The following DNAH11 variants were observed in gnomAD, a reference collection of about 807,000 sequenced individuals.
DNAH11 encodes the protein axonemal beta dynein heavy chain 11.
In DNAH11, 442 loss-of-function variants were observed where a neutral mutation model predicts 526.0. That is an observed-to-expected ratio of 0.84 (90% confidence interval 0.78 to 0.91). The LOEUF is 0.91. Ranked by LOEUF, DNAH11 falls within the 40% of genes least tolerant of loss-of-function variation. The pLI is 0.00. For missense variants in DNAH11, 6,989 were observed against 5,448.7 expected (o/e 1.28, Z -8.90); for synonymous variants, 2,461 against 1,935.9 (o/e 1.27, Z -7.12).
intron 76 of DNAH11, among the ~76,000 whole-genome samples, chr7:21,890,357 G>C (rs1414444710): frequency 1.3e-5 from 2 of 152,160 alleles, no homozygotes; most frequent in Non-Finnish European, 2.9e-5. Context: ...CAAAGAGCAT[G>C]GGCCATTTGC....
At chr7:21,844,699 C>T (rs1485501953) in intron 66 of DNAH11, among the ~76,000 whole-genome samples, 1 of 152,184 alleles carries the variant, frequency 6.6e-6, no homozygotes, top group African/African-American at 2.4e-5. Context: ...TGGCCACACC[C>T]CAGATCCCAC....
intron 40 of DNAH11, among the ~76,000 whole-genome samples, chr7:21,708,881 C>T (rs1387037713): frequency 6.6e-6 from 1 of 152,078 alleles, no homozygotes; most frequent in African/African-American, 2.4e-5. Context: ...AAATCAAAAT[C>T]ACAATGAGAT....
In DNAH11 at chr7:21,601,099, T is replaced by C. The variant is rs1180402925; in HGVS notation, c.3345T>C (p.Pro1115=). Residue 1115 remains proline, a synonymous_variant, in exon 17 of 82, where the codon CCT becomes CCC. Transcript: ENST00000409508. ...FDSWFKVDMK[P]FKVSLLTIIK... ...GTTGGTTCAAGGTGGACATGAAGCC[T>C]TTCAAAGTGAGCTTGTTAACCATAA... 3 of 1,610,402 alleles carry C rather than the reference T, an allele frequency of 1.9e-6. No individual in the cohort carries two copies. The Admixed American group carries it at 5.1e-5, about 27-fold the overall frequency.
chr7:21,714,256 G>C (rs968250613), intron 42 of DNAH11, among the ~76,000 whole-genome samples: 2 of 152,144 alleles, frequency 1.3e-5, no homozygotes, highest in African/African-American at 4.8e-5. Flanking sequence ...TTCACCATTA[G>C]ATTTTACTTT....
At chr7:21,807,748 C>G in intron 62 of DNAH11, 135 bp from the exon 63 acceptor site, 1 of 701,242 alleles carries the variant, frequency 1.4e-6, no homozygotes. Flanking sequence ...ACAGTCACAC[C>G]AACCCGTTAC....
chr7:21,679,439 G>A (rs1423234062), intron 30 of DNAH11, among the ~76,000 whole-genome samples: 3 of 152,076 alleles, frequency 2.0e-5, no homozygotes, highest in African/African-American at 7.2e-5. Flanking sequence ...TAGCTTGGTT[G>A]GGGTAATAGT....
At chr7:21,547,438 G>A (rs975509350) in intron 2 of DNAH11, among the ~76,000 whole-genome samples, 46 of 152,152 alleles carry the variant, frequency 3.0e-4, no homozygotes, top group African/African-American at 9.4e-4. Flanking sequence ...AGGCACACCC[G>A]GGGCAGTTAC....
intron 54 of DNAH11, among the ~76,000 whole-genome samples, chr7:21,756,711 A>G (rs1786655861): frequency 6.6e-6 from 1 of 152,086 alleles, no homozygotes; most frequent in Non-Finnish European, 1.5e-5. Context: ...TTTTCCAGAT[A>G]TCCTTTGATT....
chr7:21,748,806 A>C (rs1215117205), intron 52 of DNAH11, 64 bp downstream of exon 52: 2 of 1,523,108 alleles, frequency 1.3e-6, no homozygotes, highest in African/African-American at 1.4e-5. Flanking sequence ...CGAGGCTCCT[A>C]GTGCGCCCGT....
intron 65 of DNAH11, among the ~76,000 whole-genome samples, chr7:21,824,873 A>C (rs1374163970): frequency 6.6e-6 from 1 of 152,034 alleles, no homozygotes; most frequent in Non-Finnish European, 1.5e-5. Flanking sequence ...CAAATTCGTT[A>C]CTATAATATT....
intron 48 of DNAH11, among the ~76,000 whole-genome samples, chr7:21,740,559 C>T (rs74748133): frequency 0.06 from 9,204 of 152,214 alleles, 384 homozygotes; most frequent in East Asian, 0.2. Context: ...GAATTTCTTT[C>T]CTATGTAAGA....
intron 57 of DNAH11, among the ~76,000 whole-genome samples, chr7:21,781,623 G>A (rs1310599970): frequency 1.3e-5 from 2 of 152,126 alleles, no homozygotes; most frequent in Non-Finnish European, 2.9e-5. Flanking sequence ...ATTTGGAATG[G>A]CCATCAGTTT....
intron 65 of DNAH11, among the ~76,000 whole-genome samples, chr7:21,839,845 T>C (rs554230705): frequency 7.9e-5 from 12 of 152,316 alleles, no homozygotes; most frequent in Admixed American, 7.8e-4. Context: ...GTAAGATCAC[T>C]CTGCAGGGAA....
At chr7:21,635,242 C>T (rs920837817) in intron 25 of DNAH11, among the ~76,000 whole-genome samples, 17 of 152,060 alleles carry the variant, frequency 1.1e-4, no homozygotes, top group South Asian at 4.1e-4. Context: ...CTGCAAGCTC[C>T]GCCTCCCGGG....
chr7:21,659,118 G>T (rs367699949), intron 30 of DNAH11, 87 bp downstream of exon 30: 5 of 1,146,730 alleles, frequency 4.4e-6, no homozygotes, highest in Non-Finnish European at 3.7e-6. Flanking sequence ...TTCATTTACC[G>T]AGTGTCATCT....
chr7:21,757,567 G>A (rs1048073084), intron 54 of DNAH11, among the ~76,000 whole-genome samples: 1 of 152,096 alleles, frequency 6.6e-6, no homozygotes, highest in African/African-American at 2.4e-5. Context: ...GGAATTATCT[G>A]CCTTTCAATC....
At chr7:21,549,224 C>T (rs185617897) in intron 2 of DNAH11, among the ~76,000 whole-genome samples, 94 of 152,226 alleles carry the variant, frequency 6.2e-4, no homozygotes, top group African/African-American at 4.6e-4. Flanking sequence ...ATCCTTGTCC[C>T]GGTATAGAGC....
intron 6 of DNAH11, among the ~76,000 whole-genome samples, chr7:21,566,002 CTATG>C (rs1359013749): frequency 6.6e-6 from 1 of 152,194 alleles, no homozygotes; most frequent in African/African-American, 2.4e-5. Flanking sequence ...GCGCGGGTCT[CTATG>C]TAAAACACCA....
chr7:21,892,614 C>G lies in DNAH11; in HGVS notation c.12697C>G (p.Gln4233Glu), dbSNP rs72658823. The G allele has an allele frequency of 1.9e-6, 3 of 1,613,422 alleles. No individual in the cohort carries two copies. Among genetic ancestry groups the G allele is most frequent in the African/African-American group, 1.3e-5 (1 of 74,926 alleles). The change falls in exon 77 of 82, where the codon CAG becomes GAG. Residue 4233 changes from glutamine to glutamate, a missense_variant. By Grantham distance (29) the Gln-to-Glu change is conservative. Coordinates refer to ENST00000409508, the MANE Select transcript of DNAH11 (RefSeq NM_001277115.2). ...NTLFRTLLEM[Q>E]PRNALSGDEL... ...TCTCTTCAGAACTTTGCTGGAGATG[C>G]AGCCCAGGAATGCACTCAGTGGTGA... is the stretch of plus-strand genomic sequence containing the variant.
Sources: allele counts gnomAD v4.1 joint callset (sites outside exome capture counted in the v4.1 genomes callset), GRCh38; gene constraint gnomAD v4.1.1; transcripts MANE v1.5; gene names NCBI Gene and HGNC (gene_info 2026-07-23, HGNC 2026-07-21).